Variants in PDGFC observed in about 807,000 individuals in gnomAD.
PDGFC encodes the protein platelet-derived growth factor C.
PDGFC carries 12 observed loss-of-function variants against 35.5 expected under a neutral mutation model. The ratio of observed to expected loss-of-function variants is 0.34; its 90% CI spans 0.22 to 0.55. The LOEUF (loss-of-function observed/expected upper bound fraction) is 0.55. Among genes scored for constraint, PDGFC ranks in the 20% least tolerant of loss-of-function variants. The pLI is 0.91. For synonymous variants in PDGFC, 159 were observed against 148.8 expected (o/e 1.07, Z -0.50); for missense variants, 322 against 412.4 (o/e 0.78, Z 1.90).
At chr4:156,960,854 C>T (rs1157423349) in intron 1 of PDGFC, among the ~76,000 whole-genome samples, 1 of 152,038 alleles carries the variant, frequency 6.6e-6, no homozygotes, top group Non-Finnish European at 1.5e-5. Flanking sequence ...GAGTCTTTAG[C>T]ATGCTTCCAT....
chr4:156,814,249 G>A (rs138958832), intron 2 of PDGFC, among the ~76,000 whole-genome samples: 12 of 152,264 alleles, frequency 7.9e-5, no homozygotes, highest in African/African-American at 1.9e-4. Context: ...ACACAGACAG[G>A]TAATCACCAC....
intron 2 of PDGFC, among the ~76,000 whole-genome samples, chr4:156,834,569 T>C (rs546239712): frequency 3.3e-5 from 5 of 152,262 alleles, no homozygotes; most frequent in African/African-American, 9.6e-5. Context: ...GACGATGTTT[T>C]TGAAGTTAGT....
At chr4:156,818,375 T>G (rs1236224209) in intron 2 of PDGFC, among the ~76,000 whole-genome samples, 1 of 152,006 alleles carries the variant, frequency 6.6e-6, no homozygotes, top group African/African-American at 2.4e-5. Flanking sequence ...AACTCAGCAA[T>G]GGAGCTGTTT....
chr4:156,818,929 G>A (rs1732172048), intron 2 of PDGFC, among the ~76,000 whole-genome samples: 1 of 152,176 alleles, frequency 6.6e-6, no homozygotes, highest in Admixed American at 6.5e-5. Flanking sequence ...GAGGCTCAAG[G>A]AGAGGGAGAG....
intron 1 of PDGFC, among the ~76,000 whole-genome samples, chr4:156,955,764 G>T (rs1008313232): frequency 6.6e-6 from 1 of 152,054 alleles, no homozygotes; most frequent in Non-Finnish European, 1.5e-5. Flanking sequence ...AGCATCTCAT[G>T]AGTTTGCATC....
intron 1 of PDGFC, among the ~76,000 whole-genome samples, chr4:156,942,640 A>G (rs1397755132): frequency 6.7e-6 from 1 of 150,150 alleles, no homozygotes; most frequent in Non-Finnish European, 1.5e-5. Flanking sequence ...ACAGACAAAA[A>G]AAATACTGCT....
chr4:156,849,356 T>C (rs973111820), intron 2 of PDGFC, among the ~76,000 whole-genome samples: 5 of 152,246 alleles, frequency 3.3e-5, no homozygotes, highest in Non-Finnish European at 7.4e-5. Flanking sequence ...TGACAGCAAG[T>C]ACAAAGTTTA....
intron 2 of PDGFC, among the ~76,000 whole-genome samples, chr4:156,828,184 C>T (rs1728833759): frequency 6.6e-6 from 1 of 152,176 alleles, no homozygotes; most frequent in African/African-American, 2.4e-5. Context: ...ACCACAAGTG[C>T]CTTCTAACAG....
intron 3 of PDGFC, among the ~76,000 whole-genome samples, chr4:156,808,436 A>C (rs1384775444): frequency 6.6e-6 from 1 of 152,072 alleles, no homozygotes; most frequent in Non-Finnish European, 1.5e-5. Context: ...TCTGGGGAAC[A>C]GAGTGTGCTG....
At chr4:156,814,213 C>T (rs781666522) in intron 2 of PDGFC, among the ~76,000 whole-genome samples, 4 of 152,090 alleles carry the variant, frequency 2.6e-5, no homozygotes, top group Non-Finnish European at 1.5e-5. Context: ...GAGGCAGAGC[C>T]GCTGGAGGCT....
intron 1 of PDGFC, among the ~76,000 whole-genome samples, chr4:156,908,368 C>T (rs1730966129): frequency 6.6e-6 from 1 of 151,924 alleles, no homozygotes; most frequent in African/African-American, 2.4e-5. Flanking sequence ...TAATTTACCT[C>T]CTTTATTTAT....
At chr4:156,955,982 C>T (rs1173923519) in intron 1 of PDGFC, among the ~76,000 whole-genome samples, 1 of 151,984 alleles carries the variant, frequency 6.6e-6, no homozygotes, top group African/African-American at 2.4e-5. Context: ...AGAAGCCCTT[C>T]CTGACCCAAA....
At chr4:156,970,330 T>C (rs889102685) in intron 1 of PDGFC, among the ~76,000 whole-genome samples, 2 of 152,170 alleles carry the variant, frequency 1.3e-5, no homozygotes, top group South Asian at 2.1e-4. Context: ...TATCTACTCA[T>C]TGATTAATTG....
intron 2 of PDGFC, among the ~76,000 whole-genome samples, chr4:156,834,656 A>T (rs749829090): frequency 6.6e-6 from 1 of 152,182 alleles, no homozygotes; most frequent in Non-Finnish European, 1.5e-5. Flanking sequence ...GAGACGATCT[A>T]TGTCTCTCAG....
chr4:156,899,251 C>T (rs1456191057), intron 1 of PDGFC, among the ~76,000 whole-genome samples: 1 of 152,104 alleles, frequency 6.6e-6, no homozygotes, highest in African/African-American at 2.4e-5. Context: ...AGGATTGTAT[C>T]AGGTATTACA....
rs187728863 is a variant in PDGFC at position 156,778,743 on chromosome 4, T to C, written c.496-5850A>G. 8.1e-4 allele frequency among the ~76,000 whole-genome samples: 124 copies of C among 152,310 alleles called. 1 individual carries two copies. The highest frequency in any genetic ancestry group is 2.6e-3 in the African/African-American group (110 of 41,576). Reference sequence around the variant, plus strand: ...TGCAATTTTAAAAACACACTTAAAATGAATCTTCCTTGGACAAATACACAC... The same window carrying C: ...TGCAATTTTAAAAACACACTTAAAACGAATCTTCCTTGGACAAATACACAC... On this transcript the variant is annotated intron_variant, in intron 3 of 5. Transcript: ENST00000502773.
chr4:156,795,840 G>A (rs957296205), intron 3 of PDGFC, among the ~76,000 whole-genome samples: 1 of 152,148 alleles, frequency 6.6e-6, no homozygotes, highest in African/African-American at 2.4e-5. Context: ...CTAGAAAAAT[G>A]AAGGGCTTTT....
chr4:156,846,589 A>C (rs898703449), intron 2 of PDGFC, among the ~76,000 whole-genome samples: 1 of 151,844 alleles, frequency 6.6e-6, no homozygotes, highest in African/African-American at 2.4e-5. Flanking sequence ...TAGATCAAAA[A>C]GATGAAAAAA....
chr4:156,894,628 G>T (rs1730587553), intron 1 of PDGFC, among the ~76,000 whole-genome samples: 1 of 152,154 alleles, frequency 6.6e-6, no homozygotes, highest in South Asian at 2.1e-4. Context: ...TTCAGAGGCA[G>T]ACAGCACAAC....
Sources: gnomAD v4.1 joint callset for allele counts (sites outside exome capture counted in the v4.1 genomes callset) on GRCh38, gnomAD v4.1.1 for gene constraint, MANE v1.5 for transcripts, NCBI Gene and HGNC (gene_info 2026-07-23, HGNC 2026-07-21) for gene names.